Variants in DMRT1 observed in about 807,000 individuals in gnomAD.
The protein encoded by DMRT1 is doublesex and mab-3 related transcription factor 1, also known as doublesex- and mab-3-related transcription factor 1.
Under a neutral mutation model 32.3 loss-of-function variants are expected in DMRT1, and 7 were observed. The observed-to-expected ratio is 0.22, with a 90% CI of 0.12 to 0.41. DMRT1 has a LOEUF of 0.41. Among genes scored for constraint, DMRT1 ranks in the 10% least tolerant of loss-of-function variants. The probability of loss-of-function intolerance (pLI) is 1.00; values close to 1 mark genes in which losing one functional copy is unlikely to be tolerated. For missense variants in DMRT1, 625 were observed against 500.5 expected (o/e 1.25, Z -2.37); for synonymous variants, 278 against 206.1 (o/e 1.35, Z -2.99).
chr9:848,788 C>G (rs1055204659), intron 2 of DMRT1, among the ~76,000 whole-genome samples: 1 of 148,766 alleles, frequency 6.7e-6, no homozygotes, highest in African/African-American at 2.5e-5. Flanking sequence ...CTTCTGACCT[C>G]AAGTGATCCA....
intron 4 of DMRT1, among the ~76,000 whole-genome samples, chr9:951,014 C>A (rs1819410204): frequency 1.3e-5 from 2 of 152,094 alleles, no homozygotes; most frequent in African/African-American, 4.8e-5. Context: ...TTAGCTAATG[C>A]TAATATTTGT....
At chr9:941,333 C>CG (rs1819062280) in intron 4 of DMRT1, among the ~76,000 whole-genome samples, 1 of 117,676 alleles carries the variant, frequency 8.5e-6, no homozygotes, top group African/African-American at 4.6e-5. Context: ...ACCCCCTCCC[C>CG]CCCCCCACAC....
intron 2 of DMRT1, among the ~76,000 whole-genome samples, chr9:857,840 T>C (rs929212148): frequency 1.3e-4 from 18 of 139,228 alleles, no homozygotes; most frequent in Admixed American, 3.9e-4. Context: ...TGTGTTCTCA[T>C]TGTTCGATTC....
chr9:952,945 G>GT (rs560147917), intron 4 of DMRT1, among the ~76,000 whole-genome samples: 21 of 152,180 alleles, frequency 1.4e-4, no homozygotes, highest in East Asian at 5.8e-4. Flanking sequence ...AGCCGAAAGG[G>GT]TTTTTTTCCT....
chr9:886,146 G>C (rs1816918910), intron 2 of DMRT1, among the ~76,000 whole-genome samples: 1 of 152,208 alleles, frequency 6.6e-6, no homozygotes, highest in South Asian at 2.1e-4. Flanking sequence ...CCGTGTTACA[G>C]TGCACACAAG....
chr9:959,864 G>T (rs996144312), intron 4 of DMRT1, among the ~76,000 whole-genome samples: 1 of 152,222 alleles, frequency 6.6e-6, no homozygotes, highest in South Asian at 2.1e-4. Context: ...CTGTCTGCCA[G>T]TGCATGCATG....
chr9:902,643 C>T (rs1432237176), intron 3 of DMRT1, among the ~76,000 whole-genome samples: 1 of 151,778 alleles, frequency 6.6e-6, no homozygotes, highest in Non-Finnish European at 1.5e-5. Flanking sequence ...CACACGCCAC[C>T]ATACCCAGCT....
chr9:952,397 A>T (rs187557994), intron 4 of DMRT1, among the ~76,000 whole-genome samples: 37 of 152,302 alleles, frequency 2.4e-4, no homozygotes, highest in African/African-American at 8.2e-4. Flanking sequence ...CGTGAGATAA[A>T]ACATGTTCTA....
intron 4 of DMRT1, among the ~76,000 whole-genome samples, chr9:959,977 C>T (rs756928060): frequency 1.3e-5 from 2 of 152,236 alleles, no homozygotes; most frequent in Non-Finnish European, 2.9e-5. Context: ...GTGCTCTGCA[C>T]TGTGCTGGAC....
chr9:858,868 A>AT lies in DMRT1; in HGVS notation c.538+11725_538+11726insT, dbSNP rs1180300154. Among the ~76,000 whole-genome samples the AT allele has an allele frequency of 1.0e-2, 171 of 17,122 alleles. 1 individual carries two copies. The highest frequency in any genetic ancestry group is 0.046 in the East Asian group (55 of 1,186). 11.2% of individuals were successfully genotyped at this position (17,122 alleles called of 152,430 possible). ...CAGTCTGTCTCAAAAAAAAAAAAAA[A>AT]AAATATATATATATATATATATATA... On this transcript the variant is annotated intron_variant, in intron 2 of 4. Transcript: ENST00000382276.
intron 3 of DMRT1, among the ~76,000 whole-genome samples, chr9:913,216 G>C (rs967283758): frequency 2.0e-5 from 3 of 152,202 alleles, no homozygotes; most frequent in African/African-American, 7.2e-5. Flanking sequence ...AAATTGAAAA[G>C]CATTTTCCTT....
chr9:910,645 G>C (rs1216920795), intron 3 of DMRT1, among the ~76,000 whole-genome samples: 1 of 151,774 alleles, frequency 6.6e-6, no homozygotes, highest in African/African-American at 2.4e-5. Flanking sequence ...TTACTGTAAT[G>C]CATATTCTTA....
chr9:842,384 A>G (rs1019656101), intron 1 of DMRT1, 192 bp downstream of exon 1: 17 of 695,996 alleles, frequency 2.4e-5, no homozygotes, highest in African/African-American at 7.3e-5. Context: ...ACAGGCGCAC[A>G]CCACCATGCC....
intron 2 of DMRT1, among the ~76,000 whole-genome samples, chr9:873,325 G>C (rs1816354521): frequency 6.8e-6 from 1 of 146,406 alleles, no homozygotes; most frequent in East Asian, 2.0e-4. Context: ...TTTTTTTTGA[G>C]ATGGAGTTTT....
At chr9:893,805 T>C in intron 2 of DMRT1, 107 bp from the exon 3 acceptor site, 1 of 1,023,160 alleles carries the variant, frequency 9.8e-7, no homozygotes, top group Admixed American at 1.9e-5. Flanking sequence ...GTCTTCTGCA[T>C]ATTCAGCTAC....
chr9:949,022 G>A (rs1819342651), intron 4 of DMRT1, among the ~76,000 whole-genome samples: 1 of 151,876 alleles, frequency 6.6e-6, no homozygotes, highest in South Asian at 2.1e-4. Flanking sequence ...GAATCCGGGA[G>A]GCAGAGGTTG....
chr9:954,036 G>A (rs1187587345), intron 4 of DMRT1, among the ~76,000 whole-genome samples: 2 of 152,100 alleles, frequency 1.3e-5, no homozygotes, highest in Non-Finnish European at 2.9e-5. Flanking sequence ...TGAGTGTTAA[G>A]CTGTGGAGAT....
chr9:948,904 A>AATG (rs1819336556), intron 4 of DMRT1, among the ~76,000 whole-genome samples: 2 of 25,186 alleles, frequency 7.9e-5, no homozygotes, highest in Non-Finnish European at 2.0e-4. Context: ...AAAAATACAA[A>AATG]ATAATAATAA....
chr9:901,354 C>T (rs546766521), intron 3 of DMRT1, among the ~76,000 whole-genome samples: 146 of 151,406 alleles, frequency 9.6e-4, no homozygotes, highest in Middle Eastern at 6.9e-3. Flanking sequence ...TGAGACAGAG[C>T]CTCACTCTGT....
Sources: allele counts gnomAD v4.1 joint callset (sites outside exome capture counted in the v4.1 genomes callset), GRCh38; gene constraint gnomAD v4.1.1; transcripts MANE v1.5; gene names NCBI Gene and HGNC (gene_info 2026-07-23, HGNC 2026-07-21).